KPNA1: variants seen among roughly 807,000 people sequenced by gnomAD.
The protein encoded by KPNA1 is karyopherin subunit alpha 1, also known as importin subunit alpha-5.
Under a neutral mutation model 70.5 loss-of-function variants are expected in KPNA1, and 10 were observed. That is an observed-to-expected ratio of 0.14 (90% CI 0.09 to 0.24). The LOEUF is 0.24. KPNA1 is among the 10% of genes least tolerant of loss of function. The pLI is 1.00. For missense variants in KPNA1, 397 were observed against 637.9 expected (o/e 0.62, Z 4.07); for synonymous variants, 192 against 221.9 (o/e 0.87, Z 1.20).
chr3:122,490,770 T>G (rs562077494), intron 2 of KPNA1, among the ~76,000 whole-genome samples: 1 of 152,308 alleles, frequency 6.6e-6, no homozygotes, highest in Admixed American at 6.5e-5. Flanking sequence ...AGAGCTGGTG[T>G]TTTGTTTTAT....
chr3:122,470,552 A>C (rs1211810227), intron 2 of KPNA1, among the ~76,000 whole-genome samples: 2 of 151,726 alleles, frequency 1.3e-5, no homozygotes, highest in Non-Finnish European at 2.9e-5. Context: ...AAATAAATAA[A>C]AATTTTTAAA....
intron 5 of KPNA1, 135 bp from the exon 6 acceptor site, chr3:122,454,136 T>A: frequency 1.9e-6 from 1 of 529,080 alleles, no homozygotes; most frequent in Non-Finnish European, 3.2e-6. Flanking sequence ...TTGAGTACTA[T>A]ATTAATTTTA....
intron 9 of KPNA1, among the ~76,000 whole-genome samples, chr3:122,442,510 T>C (rs372553688): frequency 6.0e-4 from 91 of 152,282 alleles, no homozygotes; most frequent in African/African-American, 2.1e-3. Context: ...TGTCTTAATT[T>C]TCAGACGTAA....
chr3:122,453,823 C>T, intron 6 of KPNA1, 47 bp downstream of exon 6: 1 of 1,564,736 alleles, frequency 6.4e-7, no homozygotes. Flanking sequence ...AGCGACATGC[C>T]CAGCCAAAAA....
At chr3:122,498,752 ATATGAACTTT>A (rs1480496486) in intron 1 of KPNA1, among the ~76,000 whole-genome samples, 1 of 152,170 alleles carries the variant, frequency 6.6e-6, no homozygotes, top group East Asian at 1.9e-4. Context: ...TTGCAATTCC[ATATGAACTTT>A]AGAATCAGTT....
At position 122,510,647 on chromosome 3, in the gene KPNA1, C is replaced by G. The variant is rs1388406321; in HGVS notation, c.-6+4110G>C. Among the ~76,000 whole-genome samples, 3 of 152,030 alleles carry G rather than the reference C, an allele frequency of 2.0e-5. No individual in the cohort carries two copies. The East Asian group carries it at 5.8e-4, about 29-fold the overall frequency. On this transcript the variant is annotated intron_variant, in intron 1 of 13. Coordinates refer to ENST00000344337, the MANE Select transcript of KPNA1 (RefSeq NM_002264.4). ...GTGAGGTGAATATATATGTGAAACA[C>G]TAAGGAACATCTTGCTTAGACGAAA...
intron 5 of KPNA1, chr3:122,460,191 T>TA (rs1279185890): frequency 4.1e-6 from 4 of 985,282 alleles, no homozygotes; most frequent in Non-Finnish European, 3.6e-6. Flanking sequence ...TTGTAACTAA[T>TA]AAAGGCACTG....
At chr3:122,439,024 T>C (rs2076027630) in intron 10 of KPNA1, among the ~76,000 whole-genome samples, 1 of 152,162 alleles carries the variant, frequency 6.6e-6, no homozygotes, top group Non-Finnish European at 1.5e-5. Context: ...AATTATCTCC[T>C]AAGTAATGAA....
chr3:122,477,934 C>T (rs1302549684), intron 2 of KPNA1, among the ~76,000 whole-genome samples: 2 of 150,364 alleles, frequency 1.3e-5, no homozygotes, highest in Non-Finnish European at 3.0e-5. Flanking sequence ...GTGGTCAAGG[C>T]GGGGGGATCA....
intron 12 of KPNA1, among the ~76,000 whole-genome samples, chr3:122,428,072 A>C (rs2075846667): frequency 1.3e-5 from 2 of 152,234 alleles, no homozygotes; most frequent in Admixed American, 1.3e-4. Flanking sequence ...CCTCTCAAAC[A>C]TGACACTCTT....
intron 4 of KPNA1, among the ~76,000 whole-genome samples, chr3:122,462,188 G>A (rs1560034090): frequency 1.3e-5 from 2 of 151,568 alleles, no homozygotes; most frequent in Non-Finnish European, 2.9e-5. Flanking sequence ...AAATAACACA[G>A]AAAAAGAACA....
At chr3:122,486,479 CT>C (rs1292162511) in intron 2 of KPNA1, among the ~76,000 whole-genome samples, 3 of 152,136 alleles carry the variant, frequency 2.0e-5, no homozygotes, top group African/African-American at 7.2e-5. Flanking sequence ...ACTAGGAAAC[CT>C]CTGGGTGAGA....
intron 1 of KPNA1, among the ~76,000 whole-genome samples, chr3:122,499,862 A>G (rs540706880): frequency 1.3e-5 from 2 of 152,270 alleles, no homozygotes; most frequent in South Asian, 4.1e-4. Flanking sequence ...GTTGGAAAGT[A>G]TTCCCCAGGA....
At chr3:122,461,788 G>A (rs764750859) in intron 4 of KPNA1, among the ~76,000 whole-genome samples, 5 of 152,164 alleles carry the variant, frequency 3.3e-5, no homozygotes, top group Admixed American at 6.5e-5. Flanking sequence ...AAGAATTCAC[G>A]AAGATTGACT....
intron 4 of KPNA1, among the ~76,000 whole-genome samples, chr3:122,462,769 A>T (rs2076338369): frequency 6.6e-6 from 1 of 152,172 alleles, no homozygotes; most frequent in African/African-American, 2.4e-5. Context: ...CAAGGGATAT[A>T]TTAAATTTTT....
rs1246313419 is a variant in KPNA1 at position 122,427,052 on chromosome 3, A to G, written c.1550T>C (p.Val517Ala). Residue 517 changes from valine (V) to alanine (A), a missense_variant, in exon 14 of 14, where the codon GTT becomes GCT. Coordinates refer to ENST00000344337, the MANE Select transcript of KPNA1 (RefSeq NM_002264.4). Reference sequence around the variant, plus strand: ...GATGTACTGCTGCTGGTTAAGGTCAACCTGGGGTGCAATGCTGCTGTCTTC... The same window carrying G: ...GATGTACTGCTGCTGGTTAAGGTCAGCCTGGGGTGCAATGCTGCTGTCTTC... The part of the protein sequence containing the change: ...EDEDSSIAPQ[V>A]DLNQQQYIFQ... 2 of 1,614,188 alleles carry G rather than the reference A, an allele frequency of 1.2e-6. No individual in the cohort carries two copies. The highest frequency in any genetic ancestry group is 1.7e-6 in the Non-Finnish European group (2 of 1,180,030).
At chr3:122,456,682 A>C (rs1265870569) in intron 5 of KPNA1, among the ~76,000 whole-genome samples, 1 of 150,110 alleles carries the variant, frequency 6.7e-6, no homozygotes, top group Non-Finnish European at 1.5e-5. Context: ...GCCTGAATAC[A>C]GATGGTAAAA....
intron 12 of KPNA1, 48 bp downstream of exon 12, chr3:122,433,613 A>G (rs373383519): frequency 5.3e-6 from 8 of 1,506,714 alleles, no homozygotes; most frequent in Non-Finnish European, 6.3e-6. Context: ...GATAGACACA[A>G]TAATAATTTT....
rs1211586847 is a variant in KPNA1 at position 122,496,346 on chromosome 3, A to ACACACACACC, written c.129+90_129+91insGGTGTGTGTG. On this transcript the variant is annotated intron_variant, in intron 2 of 13. Transcript: ENST00000344337. The stretch of plus-strand genomic sequence containing the variant: ...CACACACACACACACACACACACAC[A>ACACACACACC]CACCCCAACTTTGCTAAAATGAAGA... The ACACACACACC allele has an allele frequency of 1.9e-5, 23 of 1,180,350 alleles. No individual in the cohort carries two copies. In the African/African-American group the frequency reaches 2.6e-4, roughly 13 times the overall value. The allele number at this position is 1,180,350 out of a possible 1,614,324, so 73.1% of individuals were successfully genotyped here.
Sources: allele counts gnomAD v4.1 joint callset (sites outside exome capture counted in the v4.1 genomes callset), GRCh38; gene constraint gnomAD v4.1.1; transcripts MANE v1.5; gene names NCBI Gene and HGNC (gene_info 2026-07-23, HGNC 2026-07-21).